NAALADL2: variants seen among roughly 807,000 people sequenced by gnomAD.
The protein encoded by NAALADL2 is N-acetylated alpha-linked acidic dipeptidase like 2.
In NAALADL2, 76 loss-of-function variants were observed where a neutral mutation model predicts 87.2. The ratio of observed to expected loss-of-function variants is 0.87; its 90% CI spans 0.72 to 1.05. NAALADL2 has a LOEUF of 1.05. NAALADL2 is among the 50% of genes least tolerant of loss of function. The pLI is 0.00. For synonymous variants in NAALADL2, 354 were observed against 331.0 expected (o/e 1.07, Z -0.75); for missense variants, 1,089 against 945.8 (o/e 1.15, Z -1.99).
chr3:175,071,820 A>G lies in NAALADL2; in HGVS notation c.44-24970A>G, dbSNP rs73035494. Among the ~76,000 whole-genome samples, 208 of 152,212 alleles carry G rather than the reference A, an allele frequency of 1.4e-3. 1 individual carries two copies. The highest frequency in any genetic ancestry group is 4.8e-3 in the African/African-American group (201 of 41,568). ...GTAGCAAATTTGAGCAATGAAAAAC[A>G]TGAAAAGAGATGAAATAACTAGTTA... On this transcript the variant is annotated intron_variant, in intron 1 of 13. Coordinates refer to ENST00000454872, the MANE Select transcript of NAALADL2 (RefSeq NM_207015.3).
chr3:174,892,279 G>C (rs1006111825), intron 1 of NAALADL2, among the ~76,000 whole-genome samples: 1 of 152,090 alleles, frequency 6.6e-6, no homozygotes, highest in Non-Finnish European at 1.5e-5. Flanking sequence ...CTTTCAGACA[G>C]AGAATTCAAA....
At chr3:175,264,711 C>G (rs986070445) in intron 4 of NAALADL2, among the ~76,000 whole-genome samples, 2 of 151,472 alleles carry the variant, frequency 1.3e-5, no homozygotes, top group African/African-American at 4.8e-5. Context: ...TAAATAATGT[C>G]ATAAGATGGT....
At chr3:175,517,479 ACATATCAATGCAT>A (rs1354250071) in intron 9 of NAALADL2, among the ~76,000 whole-genome samples, 1 of 152,178 alleles carries the variant, frequency 6.6e-6, no homozygotes, top group African/African-American at 2.4e-5. Context: ...AATTTTTGAC[ACATATCAATGCAT>A]CATATAAATA....
At chr3:175,748,198 A>G (rs1358174405) in intron 12 of NAALADL2, among the ~76,000 whole-genome samples, 1 of 152,152 alleles carries the variant, frequency 6.6e-6, no homozygotes, top group African/African-American at 2.4e-5. Flanking sequence ...TCAATAGCGC[A>G]ATCGCTCTCA....
intron 5 of NAALADL2, among the ~76,000 whole-genome samples, chr3:175,393,137 G>C (rs866292740): frequency 2.0e-5 from 3 of 150,802 alleles, no homozygotes; most frequent in African/African-American, 4.9e-5. Context: ...AGCCGGGCGC[G>C]GTGGCGGGCG....
chr3:174,512,917 T>C (rs1719694507), intron 1 of NAALADL2, among the ~76,000 whole-genome samples: 1 of 152,126 alleles, frequency 6.6e-6, no homozygotes, highest in Non-Finnish European at 1.5e-5. Flanking sequence ...AAACCTATAG[T>C]TTCTTTTGAA....
chr3:174,831,993 C>T (rs1722762611), intron 3 of NAALADL2, among the ~76,000 whole-genome samples: 2 of 151,856 alleles, frequency 1.3e-5, no homozygotes, highest in Non-Finnish European at 2.9e-5. Context: ...TTTGATTCTT[C>T]TCTCTTTTTT....
intron 11 of NAALADL2, among the ~76,000 whole-genome samples, chr3:175,732,825 A>G (rs937328799): frequency 2.6e-5 from 4 of 151,918 alleles, no homozygotes; most frequent in Admixed American, 6.6e-5. Flanking sequence ...CCTCAAAGGA[A>G]TAAAAAGTTA....
At position 175,215,075 on chromosome 3, in the gene NAALADL2, A is replaced by C. The variant is rs1369229546; in HGVS notation, c.546-18856A>C. On this transcript the variant is annotated intron_variant, in intron 2 of 13. Coordinates refer to ENST00000454872, the MANE Select transcript of NAALADL2 (RefSeq NM_207015.3). ...TTTTTTTCCCAAATGAAGTTACTTG[A>C]TATCTACAAGTAGTAAAATCACCAT... 2.0e-5 allele frequency among the ~76,000 whole-genome samples: 3 copies of C among 152,128 alleles called. No individual in the cohort carries two copies. The East Asian group carries it at 5.8e-4, about 29-fold the overall frequency.
At chr3:174,766,690 G>C (rs574064) in intron 3 of NAALADL2, among the ~76,000 whole-genome samples, 80,458 of 151,924 alleles carry the variant, frequency 0.53, 21,651 homozygotes, top group Middle Eastern at 0.64. Flanking sequence ...TTTATCTGTT[G>C]TAGATTTAGA....
chr3:175,167,471 T>C (rs548301163), intron 2 of NAALADL2, among the ~76,000 whole-genome samples: 2 of 152,216 alleles, frequency 1.3e-5, no homozygotes, highest in Non-Finnish European at 2.9e-5. Flanking sequence ...TCATCTTCAG[T>C]CACCATTCTC....
intron 11 of NAALADL2, among the ~76,000 whole-genome samples, chr3:175,635,953 A>AATG (rs2149741944): frequency 6.6e-6 from 1 of 152,262 alleles, no homozygotes; most frequent in African/African-American, 2.4e-5. Flanking sequence ...AAAAAAATCA[A>AATG]ATGTAACACA....
chr3:175,493,717 C>T (rs906762675), intron 9 of NAALADL2, among the ~76,000 whole-genome samples: 3 of 152,104 alleles, frequency 2.0e-5, no homozygotes, highest in Non-Finnish European at 2.9e-5. Context: ...ATAATAGTCA[C>T]CGGTATAACA....
chr3:174,857,966 T>G (rs965150125), upstream of NAALADL2, among the ~76,000 whole-genome samples: 5 of 151,740 alleles, frequency 3.3e-5, no homozygotes, highest in Non-Finnish European at 7.4e-5. Flanking sequence ...ATATAGTCAA[T>G]TTTTACATTA....
intron 5 of NAALADL2, among the ~76,000 whole-genome samples, chr3:175,407,971 G>C (rs145069017): frequency 1.2e-4 from 18 of 152,198 alleles, no homozygotes; most frequent in African/African-American, 3.9e-4. Flanking sequence ...TAATTTACTT[G>C]GTGGTGATTT....
At chr3:175,393,567 C>T (rs115372917) in intron 5 of NAALADL2, among the ~76,000 whole-genome samples, 2,427 of 151,982 alleles carry the variant, frequency 0.016, 65 homozygotes, top group African/African-American at 0.055. Flanking sequence ...TGTTAACATG[C>T]GGTGAATCTA....
Position 174,801,273 on chromosome 3 carries a change from G to A in NAALADL2, c.-9+63527G>A, listed in dbSNP as rs142243108. ...GGGAGGTAATTGAATCATGGGGGCA[G>A]GTCTTTCTTGTGCTATTTGCATGAC... is the stretch of plus-strand genomic sequence containing the variant. On this transcript the variant is annotated intron_variant, in intron 3 of 3. Transcript: ENST00000434257. Among the ~76,000 whole-genome samples the A allele has an allele frequency of 2.9e-3, 435 of 152,238 alleles. 1 individual carries two copies. The highest frequency in any genetic ancestry group is 1.0e-2 in the African/African-American group (414 of 41,550).
At chr3:175,086,547 G>T (rs2108281782) in intron 1 of NAALADL2, among the ~76,000 whole-genome samples, 1 of 152,186 alleles carries the variant, frequency 6.6e-6, no homozygotes, top group Non-Finnish European at 1.5e-5. Context: ...ACTTTTCAAA[G>T]ATGTCAATTA....
intron 9 of NAALADL2, among the ~76,000 whole-genome samples, chr3:175,563,474 C>T (rs1485698060): frequency 6.6e-6 from 1 of 152,216 alleles, no homozygotes; most frequent in African/African-American, 2.4e-5. Flanking sequence ...CACTTTGGCA[C>T]TCCGAGTCTA....
Sources: gnomAD v4.1 joint callset for allele counts (sites outside exome capture counted in the v4.1 genomes callset) on GRCh38, gnomAD v4.1.1 for gene constraint, MANE v1.5 for transcripts, NCBI Gene and HGNC (gene_info 2026-07-23, HGNC 2026-07-21) for gene names.